Variants in TTC29 observed in about 807,000 individuals in gnomAD.
TTC29 encodes tetratricopeptide repeat domain 29, also known as tetratricopeptide repeat protein 29.
A neutral mutation model predicts 58.1 loss-of-function variants in TTC29; 49 were observed. The ratio of observed to expected loss-of-function variants is 0.84; its 90% CI spans 0.67 to 1.07. The LOEUF (loss-of-function observed/expected upper bound fraction) is 1.07. Among genes scored for constraint, TTC29 ranks in the 50% least tolerant of loss-of-function variants. The pLI is 0.00. For missense variants in TTC29, 582 were observed against 555.6 expected (o/e 1.05, Z -0.48); for synonymous variants, 209 against 196.8 (o/e 1.06, Z -0.52).
At chr4:146,897,372 C>T (rs1432064384) in intron 6 of TTC29, among the ~76,000 whole-genome samples, 1 of 152,118 alleles carries the variant, frequency 6.6e-6, no homozygotes, top group Non-Finnish European at 1.5e-5. Context: ...CAATCGTGAC[C>T]TATTGCAAAG....
chr4:146,896,555 TA>T (rs1463551045), intron 6 of TTC29, among the ~76,000 whole-genome samples: 4 of 152,220 alleles, frequency 2.6e-5, no homozygotes, highest in African/African-American at 9.6e-5. Flanking sequence ...CATGAAAAGC[TA>T]TTTTAATGTG....
At chr4:146,813,388 G>T (rs1751159206) in intron 10 of TTC29, among the ~76,000 whole-genome samples, 1 of 152,210 alleles carries the variant, frequency 6.6e-6, no homozygotes, top group Non-Finnish European at 1.5e-5. Flanking sequence ...TCCATCAAAA[G>T]ACCCGGAGGG....
chr4:146,807,556 A>G (rs1451652992), intron 10 of TTC29, among the ~76,000 whole-genome samples: 4 of 152,200 alleles, frequency 2.6e-5, no homozygotes, highest in Non-Finnish European at 5.9e-5. Flanking sequence ...GATAAAGGGG[A>G]TATCACTACT....
At chr4:146,935,380 G>A (rs926211592) in intron 4 of TTC29, among the ~76,000 whole-genome samples, 3 of 152,176 alleles carry the variant, frequency 2.0e-5, no homozygotes, top group Non-Finnish European at 2.9e-5. Context: ...CCATCTTAAA[G>A]ACACGAATAA....
chr4:146,798,615 G>T (rs1049103836), intron 11 of TTC29, among the ~76,000 whole-genome samples: 2 of 152,018 alleles, frequency 1.3e-5, no homozygotes, highest in African/African-American at 4.8e-5. Flanking sequence ...GCCGGGCTAG[G>T]CATGGTGGCT....
At chr4:146,708,355 T>TAC (rs1554002684) in intron 11 of TTC29, among the ~76,000 whole-genome samples, 72 of 19,884 alleles carry the variant, frequency 3.6e-3, no homozygotes, top group African/African-American at 4.9e-3. Flanking sequence ...TATATATATA[T>TAC]ACACATGTAT....
intron 8 of TTC29, among the ~76,000 whole-genome samples, chr4:146,849,591 A>G (rs974361731): frequency 3.3e-5 from 5 of 152,226 alleles, no homozygotes; most frequent in Non-Finnish European, 7.4e-5. Context: ...ATGAAGATCA[A>G]TGATTAGAGG....
chr4:146,791,838 C>A (rs1749478287), intron 11 of TTC29, among the ~76,000 whole-genome samples: 1 of 152,162 alleles, frequency 6.6e-6, no homozygotes, highest in Admixed American at 6.6e-5. Flanking sequence ...AGCTGTATTG[C>A]TGATATGGAG....
chr4:146,937,666 A>G lies in TTC29; in HGVS notation c.104T>C (p.Ile35Thr). The change falls in exon 4 of 13, where the codon ATC (isoleucine) becomes ACC (threonine). Residue 35 changes from isoleucine to threonine, a missense_variant. Transcript: ENST00000325106. ...SSRKIPRSQL[I>T]KEKDDIDHYL... ...ATGATCTATGTCATCTTTTTCTTTG[A>G]TCAATTGAGACCTAAATGAAATAGA... The G allele has an allele frequency of 6.6e-7, 1 of 1,505,760 alleles. No individual in the cohort carries two copies. The highest frequency in any genetic ancestry group is 9.0e-7 in the Non-Finnish European group (1 of 1,112,642). The allele number at this position is 1,505,760 out of a possible 1,614,324, so 93.3% of individuals were successfully genotyped here. A position where few individuals can be genotyped will look rare whatever the true frequency, so the allele number is the denominator to read the frequency against.
intron 9 of TTC29, among the ~76,000 whole-genome samples, chr4:146,822,247 T>C (rs1184225666): frequency 6.6e-6 from 1 of 151,996 alleles, no homozygotes; most frequent in Admixed American, 6.6e-5. Context: ...TCCCCACCTT[T>C]CAACAGGCCC....
At chr4:146,836,593 G>A (rs1728524998) in intron 8 of TTC29, among the ~76,000 whole-genome samples, 1 of 152,082 alleles carries the variant, frequency 6.6e-6, no homozygotes, top group Non-Finnish European at 1.5e-5. Context: ...GCATTAAAAT[G>A]AGTGGAAAAA....
In TTC29 at chr4:146,748,426, C is replaced by T. The variant is rs1380974342; in HGVS notation, c.1331-40875G>A. Among the ~76,000 whole-genome samples the T allele has an allele frequency of 2.0e-5, 3 of 152,196 alleles. No individual in the cohort carries two copies. In the East Asian group the frequency reaches 5.8e-4, roughly 29 times the overall value. ...AACCTGGCTCCACTGCCACTCCAAA[C>T]ACCTGTACCCTGGAACCCAGCACCA... On this transcript the variant is annotated intron_variant, in intron 11 of 12. Coordinates refer to ENST00000325106, the MANE Select transcript of TTC29 (RefSeq NM_031956.4).
chr4:146,845,822 C>T (rs1175932121), intron 8 of TTC29, among the ~76,000 whole-genome samples: 1 of 132,672 alleles, frequency 7.5e-6, no homozygotes, highest in Non-Finnish European at 1.6e-5. Context: ...CACAATCACA[C>T]ACACACACAC....
intron 11 of TTC29, among the ~76,000 whole-genome samples, chr4:146,723,118 C>T (rs1396564011): frequency 6.6e-6 from 1 of 151,996 alleles, no homozygotes; most frequent in African/African-American, 2.4e-5. Flanking sequence ...TGTGGTGGCA[C>T]GTGCCTATAA....
intron 11 of TTC29, among the ~76,000 whole-genome samples, chr4:146,749,292 C>CA (rs1321343732): frequency 7.9e-5 from 12 of 152,018 alleles, no homozygotes; most frequent in African/African-American, 2.9e-4. Flanking sequence ...GCCTGGGTGA[C>CA]AGAGTAAGAC....
chr4:146,905,781 A>G (rs1473928271), intron 5 of TTC29, among the ~76,000 whole-genome samples: 8 of 152,190 alleles, frequency 5.3e-5, no homozygotes, highest in African/African-American at 1.7e-4. Context: ...TCAGTAAACC[A>G]CACAATATAC....
intron 4 of TTC29, among the ~76,000 whole-genome samples, chr4:146,929,666 G>T (rs887635854): frequency 1.3e-5 from 2 of 152,026 alleles, no homozygotes; most frequent in Admixed American, 6.6e-5. Flanking sequence ...ACTGATGTTG[G>T]TTAATATAAA....
intron 6 of TTC29, among the ~76,000 whole-genome samples, 154 bp from the exon 7 acceptor site, chr4:146,875,082 A>G (rs1731172555): frequency 6.6e-6 from 1 of 152,176 alleles, no homozygotes; most frequent in Non-Finnish European, 1.5e-5. Context: ...CTGGGAAAGG[A>G]GTGATCTCTA....
chr4:146,911,537 C>T (rs1384619291), intron 4 of TTC29, among the ~76,000 whole-genome samples: 1 of 152,180 alleles, frequency 6.6e-6, no homozygotes, highest in Non-Finnish European at 1.5e-5. Flanking sequence ...AGAAACTTGT[C>T]TCACAGTGCT....
Sources: allele counts gnomAD v4.1 joint callset (sites outside exome capture counted in the v4.1 genomes callset), GRCh38; gene constraint gnomAD v4.1.1; transcripts MANE v1.5; gene names NCBI Gene and HGNC (gene_info 2026-07-23, HGNC 2026-07-21).